TXLNB: variants seen among roughly 807,000 people sequenced by gnomAD.
TXLNB encodes the protein taxilin beta, also known as beta-taxilin.
A neutral mutation model predicts 57.4 loss-of-function variants in TXLNB; 37 were observed. The ratio of observed to expected loss-of-function variants is 0.64; its 90% confidence interval spans 0.50 to 0.85. The LOEUF (loss-of-function observed/expected upper bound fraction) is 0.85, where lower values mean the gene tolerates loss of function less well. Among genes scored for constraint, TXLNB ranks in the 40% least tolerant of loss-of-function variants. The pLI, the probability that TXLNB is intolerant of heterozygous loss-of-function variation, is 0.00. For synonymous variants in TXLNB, 302 were observed against 309.6 expected (o/e 0.98, Z 0.26); for missense variants, 848 against 825.6 (o/e 1.03, Z -0.33).
chr6:139,304,848 TAAATGC>T, the TXLNB span, among the ~76,000 whole-genome samples: 2 of 152,338 alleles, frequency 1.3e-5, no homozygotes, highest in East Asian at 3.9e-4. Context: ...CACTTTTCTA[TAAATGC>T]AAATTTTTGG....
intron 3 of TXLNB, among the ~76,000 whole-genome samples, chr6:139,274,775 C>T (rs73560738): frequency 0.031 from 4,712 of 152,104 alleles, 255 homozygotes; most frequent in African/African-American, 0.11. Context: ...CTGCCCAGTC[C>T]CCTCAAGTAT....
At chr6:139,272,540 C>G in intron 3 of TXLNB, among the ~76,000 whole-genome samples, 1 of 152,122 alleles carries the variant, frequency 6.6e-6, no homozygotes, top group Non-Finnish European at 1.5e-5. Context: ...ATTGTAAAAA[C>G]AAAACCCATA....
the TXLNB span, among the ~76,000 whole-genome samples, chr6:139,312,774 A>G: frequency 2.4e-4 from 37 of 152,338 alleles, no homozygotes; most frequent in Admixed American, 2.0e-3. Context: ...TTTATATTTT[A>G]TAAAGGAAAT....
In TXLNB at chr6:139,242,525, C is replaced by G; in HGVS notation, c.*1G>C. 6.7e-7 allele frequency: 1 copy of G among 1,498,538 alleles called. No individual in the cohort carries two copies. 92.8% of individuals were successfully genotyped at this position (1,498,538 alleles called of 1,614,324 possible). On this transcript the variant is annotated 3_prime_UTR_variant, in exon 10 of 10. Transcript: ENST00000358430. ...AGAAGCCTCTGAAGGCACGGTGAGG[C>G]TTAGTCGACGCCTTCCAGATTGGTG...
At chr6:139,215,881 C>T in the TXLNB span, among the ~76,000 whole-genome samples, 4 of 152,118 alleles carry the variant, frequency 2.6e-5, no homozygotes, top group South Asian at 6.2e-4. Flanking sequence ...AAATGCTCAC[C>T]ATCACTGGCC....
In TXLNB at chr6:139,280,517, C is replaced by T. The variant is rs546285801; in HGVS notation, c.425-3596G>A. On this transcript the variant is annotated intron_variant, in intron 2 of 9. Coordinates refer to ENST00000358430, the MANE Select transcript of TXLNB (RefSeq NM_153235.4). ...AAAATTAGCTGGGCGTGGTGGCGCA[C>T]GCCTGTAGTCCCAGCTACTTGGGAA... Among the ~76,000 whole-genome samples the T allele has an allele frequency of 6.2e-4, 93 of 149,382 alleles. 1 individual carries two copies. In the Middle Eastern group the frequency reaches 0.014, roughly 22 times the overall value.
chr6:139,172,641 A>G, the TXLNB span, among the ~76,000 whole-genome samples: 2 of 152,182 alleles, frequency 1.3e-5, no homozygotes, highest in Non-Finnish European at 2.9e-5. Flanking sequence ...GGTCAGGACA[A>G]TGTGTAGCAG....
At position 139,247,900 on chromosome 6, in the gene TXLNB, A is replaced by G. The variant is rs1475233655; in HGVS notation, c.1087T>C (p.Tyr363His). Residue 363 changes from tyrosine to histidine, a missense_variant, in exon 8 of 10, where the codon TAC becomes CAC. By Grantham distance (83) the Tyr-to-His change is moderately conservative (BLOSUM62 2). Coordinates refer to ENST00000358430, the MANE Select transcript of TXLNB (RefSeq NM_153235.4). ...TGGAATTCTTCAAACCTTCCTGAGT[A>G]GAGAGTGAGCTGTAAACAGAGGAAA... ...ETVLQAQLTL[Y>H]SGRFEEFQST... 1.9e-6 allele frequency: 3 copies of G among 1,602,924 alleles called. No individual in the cohort carries two copies. The highest frequency in any genetic ancestry group is 2.6e-6 in the Non-Finnish European group (3 of 1,173,268).
rs1417874345 is a variant in TXLNB at position 139,241,703 on chromosome 6, C to G, written c.*823G>C. 6.6e-6 allele frequency: 1 copy of G among 152,226 alleles called. No homozygotes were observed. 9.4% of individuals were successfully genotyped at this position (152,226 alleles called of 1,614,324 possible). ...GGGCCCCTTGTGGTCATCTTTGTGTCCATGCTGTCTGCACAGATTGTAGTC... is the reference window on the plus strand; with the variant it reads ...GGGCCCCTTGTGGTCATCTTTGTGTGCATGCTGTCTGCACAGATTGTAGTC... On this transcript the variant is annotated 3_prime_UTR_variant, in exon 10 of 10. Coordinates refer to ENST00000358430, the MANE Select transcript of TXLNB (RefSeq NM_153235.4).
At chr6:139,302,775 A>G in the TXLNB span, among the ~76,000 whole-genome samples, 1 of 151,958 alleles carries the variant, frequency 6.6e-6, no homozygotes, top group Admixed American at 6.6e-5. Flanking sequence ...CAAGAGTGAA[A>G]CTACGTCTTG....
chr6:139,260,994 G>A (rs868368748), intron 5 of TXLNB, among the ~76,000 whole-genome samples: 5 of 152,162 alleles, frequency 3.3e-5, no homozygotes, highest in Admixed American at 6.5e-5. Context: ...CTGTTGCTCT[G>A]GTGGAGATGA....
At chr6:139,317,331 G>GA in the TXLNB span, among the ~76,000 whole-genome samples, 4 of 149,666 alleles carry the variant, frequency 2.7e-5, no homozygotes, top group Non-Finnish European at 5.9e-5. Flanking sequence ...CAAGAGACAG[G>GA]AAAAAAAATG....
intron 8 of TXLNB, among the ~76,000 whole-genome samples, chr6:139,244,895 C>G (rs1257578616): frequency 1.3e-5 from 2 of 152,162 alleles, no homozygotes; most frequent in Non-Finnish European, 1.5e-5. Context: ...CTTATTTGCA[C>G]CTGAGCCAAT....
At chr6:139,219,281 G>A in the TXLNB span, among the ~76,000 whole-genome samples, 3 of 152,208 alleles carry the variant, frequency 2.0e-5, no homozygotes, top group Non-Finnish European at 4.4e-5. Context: ...TACAAAGGTG[G>A]TTTTCAGTCC....
chr6:139,170,874 G>T, the TXLNB span, among the ~76,000 whole-genome samples: 1 of 152,262 alleles, frequency 6.6e-6, no homozygotes, highest in Admixed American at 6.5e-5. Context: ...TTGTAGTCTA[G>T]ATGTAAGGAG....
chr6:139,255,128 T>G (rs753992886), intron 7 of TXLNB, among the ~76,000 whole-genome samples: 1 of 152,236 alleles, frequency 6.6e-6, no homozygotes, highest in Non-Finnish European at 1.5e-5. Flanking sequence ...GGCCTCATTT[T>G]CTTTTTATGA....
chr6:139,244,087 T>C (rs1359062760), intron 9 of TXLNB, among the ~76,000 whole-genome samples: 3 of 152,164 alleles, frequency 2.0e-5, no homozygotes, highest in African/African-American at 7.2e-5. Flanking sequence ...TCTCAAAACC[T>C]ACTTGGAGCC....
At chr6:139,175,150 A>G in the TXLNB span, among the ~76,000 whole-genome samples, 18 of 152,342 alleles carry the variant, frequency 1.2e-4, no homozygotes, top group Non-Finnish European at 2.2e-4. Context: ...TCAGAAAAAG[A>G]GGGAAGTATT....
chr6:139,201,349 C>A, the TXLNB span, among the ~76,000 whole-genome samples: 1 of 152,348 alleles, frequency 6.6e-6, no homozygotes, highest in East Asian at 1.9e-4. Flanking sequence ...AATTGGTAAT[C>A]TGACCTTCCA....
Sources: allele counts gnomAD v4.1 joint callset (sites outside exome capture counted in the v4.1 genomes callset), GRCh38; gene constraint gnomAD v4.1.1; transcripts MANE v1.5; gene names NCBI Gene and HGNC (gene_info 2026-07-23, HGNC 2026-07-21).